The following FAT3 variants were observed in gnomAD, a reference collection of about 807,000 sequenced individuals.
The protein encoded by FAT3 is FAT atypical cadherin 3.
FAT3 carries 95 observed loss-of-function variants against 310.2 expected under a neutral mutation model. The ratio of observed to expected loss-of-function variants is 0.31; its 90% CI spans 0.26 to 0.36. The LOEUF (loss-of-function observed/expected upper bound fraction) is 0.36. Ranked by LOEUF, FAT3 falls within the 10% of genes least tolerant of loss-of-function variation. The pLI is 1.00. For missense variants in FAT3, 5,408 were observed against 5,715.6 expected (o/e 0.95, Z 1.74); for synonymous variants, 2,314 against 2,192.9 (o/e 1.06, Z -1.54).
intron 3 of FAT3, among the ~76,000 whole-genome samples, chr11:92,613,560 A>C (rs1370118249): frequency 6.6e-6 from 1 of 152,130 alleles, no homozygotes; most frequent in Non-Finnish European, 1.5e-5. Flanking sequence ...ATGCATATTT[A>C]ATAACCCACC....
chr11:92,608,200 C>A (rs1940394100), intron 3 of FAT3, among the ~76,000 whole-genome samples: 1 of 152,120 alleles, frequency 6.6e-6, no homozygotes, highest in Non-Finnish European at 1.5e-5. Flanking sequence ...GAACAAGTAT[C>A]AATTCTCTAA....
At chr11:92,594,389 C>T (rs1019383199) in intron 3 of FAT3, among the ~76,000 whole-genome samples, 1 of 152,102 alleles carries the variant, frequency 6.6e-6, no homozygotes, top group Non-Finnish European at 1.5e-5. Context: ...TTGCAGTGAG[C>T]CAAGATTGCA....
At chr11:92,606,374 C>T (rs1940298046) in intron 3 of FAT3, among the ~76,000 whole-genome samples, 1 of 152,158 alleles carries the variant, frequency 6.6e-6, no homozygotes, top group Non-Finnish European at 1.5e-5. Context: ...GTGCAGCATG[C>T]ATGACCTTCT....
At chr11:92,620,082 C>T (rs999837300) in intron 3 of FAT3, among the ~76,000 whole-genome samples, 2 of 152,060 alleles carry the variant, frequency 1.3e-5, no homozygotes, top group Non-Finnish European at 2.9e-5. Context: ...TTTCTAATTT[C>T]TCTTAGTATT....
intron 2 of FAT3, among the ~76,000 whole-genome samples, chr11:92,518,212 C>T (rs1160176189): frequency 5.3e-5 from 8 of 152,152 alleles, no homozygotes; most frequent in Non-Finnish European, 1.0e-4. Flanking sequence ...TACTCATGCA[C>T]ACGTATGTTT....
chr11:92,490,893 T>C (rs1440207212), intron 2 of FAT3, among the ~76,000 whole-genome samples: 1 of 152,068 alleles, frequency 6.6e-6, no homozygotes, highest in Non-Finnish European at 1.5e-5. Flanking sequence ...TAAAATTAGC[T>C]TCACTTTTTA....
At chr11:92,611,146 G>A (rs1192767082) in intron 3 of FAT3, among the ~76,000 whole-genome samples, 1 of 151,962 alleles carries the variant, frequency 6.6e-6, no homozygotes, top group Non-Finnish European at 1.5e-5. Flanking sequence ...TTATTTAAGA[G>A]ACAGAGTCTC....
At chr11:92,731,960 G>A (rs978026651) in intron 4 of FAT3, among the ~76,000 whole-genome samples, 1 of 152,138 alleles carries the variant, frequency 6.6e-6, no homozygotes, top group African/African-American at 2.4e-5. Context: ...ATTGTTCAGA[G>A]TTTCATGTTC....
rs910483188 is a variant in FAT3, at chr11:92,532,143, G to T, written c.3607+7195G>T. 9.2e-5 allele frequency among the ~76,000 whole-genome samples: 14 copies of T among 152,066 alleles called. No individual in the cohort carries two copies. In the East Asian group the frequency reaches 2.7e-3, roughly 29 times the overall value. On this transcript the variant is annotated intron_variant, in intron 3 of 27. Transcript: ENST00000525166. ...TAACTATAACTATTATATGTAATAC[G>T]TGTGTATGTATGTGTACATATATAT...
At chr11:92,340,408 CA>C (rs1948218364) in intron 1 of FAT3, among the ~76,000 whole-genome samples, 1 of 152,162 alleles carries the variant, frequency 6.6e-6, no homozygotes, top group South Asian at 2.1e-4. Context: ...TCATTCACCT[CA>C]TTGGCTGTGA....
intron 6 of FAT3, among the ~76,000 whole-genome samples, chr11:92,767,467 C>T (rs1434131449): frequency 6.6e-6 from 1 of 152,006 alleles, no homozygotes; most frequent in Non-Finnish European, 1.5e-5. Flanking sequence ...CCTGCTGACC[C>T]GTAGTACATC....
At position 92,893,869 on chromosome 11, in the gene FAT3, A is replaced by G. The variant is rs1380680127; in HGVS notation, c.*2756A>G. Reference sequence around the variant, plus strand: ...AGGTGGGGATGATCACTAATTCAAAAAAGCTGGAAGAATCCTATTTGCTAG... The same window carrying G: ...AGGTGGGGATGATCACTAATTCAAAGAAGCTGGAAGAATCCTATTTGCTAG... On this transcript the variant is annotated 3_prime_UTR_variant, in exon 28 of 28. Transcript: ENST00000525166. 4 of 152,238 alleles carry G rather than the reference A, an allele frequency of 2.6e-5. No homozygotes were observed. The highest frequency in any genetic ancestry group is 5.9e-5 in the Non-Finnish European group (4 of 68,036). 9.4% of individuals were successfully genotyped at this position (152,238 alleles called of 1,614,324 possible). A position where few individuals can be genotyped will look rare whatever the true frequency, so the allele number is the denominator to read the frequency against.
intron 3 of FAT3, among the ~76,000 whole-genome samples, chr11:92,525,902 G>A (rs1040833064): frequency 6.6e-6 from 1 of 152,086 alleles, no homozygotes; most frequent in African/African-American, 2.4e-5. Flanking sequence ...CTGACCTCAA[G>A]TATTTTATAA....
intron 2 of FAT3, among the ~76,000 whole-genome samples, chr11:92,422,374 C>CT (rs1219417246): frequency 2.0e-5 from 3 of 152,170 alleles, no homozygotes; most frequent in Non-Finnish European, 4.4e-5. Flanking sequence ...GCCTCCTTCA[C>CT]TTTTTCAGTG....
At position 92,224,999 on chromosome 11, in the gene FAT3, C is replaced by T. The variant is rs1453608301; in HGVS notation, c.-193C>T. ...GAACCCCCGGCGGCGGCGGCGGCGG[C>T]GTCCCGAGCGCAGAGCGCTTCTGCT... On this transcript the variant is annotated 5_prime_UTR_variant, in exon 1 of 28. Transcript: ENST00000525166. 6.6e-6 allele frequency among the ~76,000 whole-genome samples: 1 copy of T among 152,070 alleles called. No homozygotes were observed.
At chr11:92,239,218 C>T (rs1170654601) in intron 1 of FAT3, among the ~76,000 whole-genome samples, 1 of 151,982 alleles carries the variant, frequency 6.6e-6, no homozygotes, top group Admixed American at 6.6e-5. Flanking sequence ...TAAAAGAGCC[C>T]CCTGGGCCAA....
intron 2 of FAT3, among the ~76,000 whole-genome samples, chr11:92,449,583 C>T (rs568693515): frequency 6.6e-6 from 1 of 152,264 alleles, no homozygotes; most frequent in South Asian, 2.1e-4. Flanking sequence ...AGGGAACATA[C>T]ATCCTCATGA....
At chr11:92,378,293 G>T (rs1203630541) in intron 2 of FAT3, among the ~76,000 whole-genome samples, 2 of 152,050 alleles carry the variant, frequency 1.3e-5, no homozygotes, top group Non-Finnish European at 2.9e-5. Context: ...TGTGTTTAAT[G>T]CTCTCTTGGC....
At chr11:92,754,831 G>T (rs938559418) in intron 4 of FAT3, among the ~76,000 whole-genome samples, 1 of 151,684 alleles carries the variant, frequency 6.6e-6, no homozygotes, top group South Asian at 2.1e-4. Context: ...TTGCGCCACC[G>T]CATTCCAGCC....
Sources: allele counts gnomAD v4.1 joint callset (sites outside exome capture counted in the v4.1 genomes callset), GRCh38; gene constraint gnomAD v4.1.1; transcripts MANE v1.5; gene names NCBI Gene and HGNC (gene_info 2026-07-23, HGNC 2026-07-21).